The following CFAP77 variants were observed in gnomAD, a reference collection of about 807,000 sequenced individuals.
CFAP77 encodes cilia- and flagella-associated protein 77.
Under a neutral mutation model 31.1 loss-of-function variants are expected in CFAP77, and 25 were observed. The observed-to-expected ratio is 0.80, with a 90% confidence interval of 0.59 to 1.12. The LOEUF (loss-of-function observed/expected upper bound fraction) is 1.12. Ranked by LOEUF, CFAP77 falls within the 50% of genes most tolerant of loss-of-function variation. The pLI is 0.00. For synonymous variants in CFAP77, 151 were observed against 159.9 expected (o/e 0.94, Z 0.42); for missense variants, 377 against 397.3 (o/e 0.95, Z 0.44).
intron 5 of CFAP77, among the ~76,000 whole-genome samples, chr9:132,561,397 G>C (rs780458681): frequency 2.0e-5 from 3 of 150,110 alleles, no homozygotes; most frequent in Non-Finnish European, 4.4e-5. Flanking sequence ...TGCCTTGTTA[G>C]TCTCCAGACC....
intron 5 of CFAP77, among the ~76,000 whole-genome samples, chr9:132,566,235 A>G (rs1487673167): frequency 2.6e-5 from 4 of 151,892 alleles, no homozygotes; most frequent in Admixed American, 2.0e-4. Flanking sequence ...TGCTTCATGG[A>G]CTCCATGAGC....
chr9:132,484,756 G>A (rs531771564), intron 1 of CFAP77, among the ~76,000 whole-genome samples: 1 of 151,838 alleles, frequency 6.6e-6, no homozygotes. Context: ...GTACATAGTA[G>A]CTATAAATAT....
intron 1 of CFAP77, among the ~76,000 whole-genome samples, chr9:132,464,049 A>G (rs903017770): frequency 2.6e-5 from 4 of 152,226 alleles, no homozygotes; most frequent in Admixed American, 1.3e-4. Context: ...TCCGCATCAC[A>G]ACCTGCTGTG....
chr9:132,410,254 T>TC lies in CFAP77; in HGVS notation c.-14dup. 6.5e-7 allele frequency: 1 copy of TC among 1,541,770 alleles called. No individual in the cohort carries two copies. The highest frequency in any genetic ancestry group is 1.4e-5 in the African/African-American group (1 of 69,802). ...CGCCCAAACCAGCCCGCGGGCCGGCTCCCCGGCGACCTCAAGGATGCCAGA... is the reference window on the plus strand; with the variant it reads ...CGCCCAAACCAGCCCGCGGGCCGGCTCCCCCGGCGACCTCAAGGATGCCAGA... On this transcript the variant is annotated 5_prime_UTR_variant, in exon 1 of 6. Coordinates refer to ENST00000393216, the MANE Select transcript of CFAP77 (RefSeq NM_001282957.2).
intron 1 of CFAP77, among the ~76,000 whole-genome samples, chr9:132,474,208 C>G (rs1851309151): frequency 6.6e-6 from 1 of 152,222 alleles, no homozygotes; most frequent in East Asian, 1.9e-4. Flanking sequence ...TATCTTTTTG[C>G]TTTGAGTAGA....
rs991598487 is a variant in CFAP77, at chr9:132,455,744, CAAAA to C, written c.196-42948_196-42945del. 1.3e-4 allele frequency among the ~76,000 whole-genome samples: 19 copies of C among 152,000 alleles called. No homozygotes were observed. Among genetic ancestry groups the C allele is most frequent in the Admixed American group, 1.2e-3 (19 of 15,258 alleles). ...AGACTGTCTCAAAAACAAAACAAAA[CAAAA>C]AAGCAAAACGAACCCCAAATGTCTC... On this transcript the variant is annotated intron_variant, in intron 1 of 5. Transcript: ENST00000393216. This position sits in a 1 kb window ranked among gnomAD's most constrained non-coding sequence, Gnocchi z 4.1.
At chr9:132,516,032 A>C (rs1042410332) in intron 3 of CFAP77, among the ~76,000 whole-genome samples, 1 of 152,136 alleles carries the variant, frequency 6.6e-6, no homozygotes, top group Non-Finnish European at 1.5e-5. Context: ...GGCCCTGTGT[A>C]AGGCTATAGG....
At chr9:132,449,661 G>A (rs951980592) in intron 1 of CFAP77, among the ~76,000 whole-genome samples, 10 of 152,264 alleles carry the variant, frequency 6.6e-5, no homozygotes, top group African/African-American at 2.4e-4. Flanking sequence ...ACACTTTTGT[G>A]GGCATATATT....
At chr9:132,553,767 C>T (rs1472296159) in intron 5 of CFAP77, among the ~76,000 whole-genome samples, 2 of 152,256 alleles carry the variant, frequency 1.3e-5, no homozygotes, top group African/African-American at 2.4e-5. Context: ...GTCCATGCTG[C>T]ATTCTCTACC....
chr9:132,519,711 G>C (rs370701867), intron 3 of CFAP77, among the ~76,000 whole-genome samples: 1 of 122,574 alleles, frequency 8.2e-6, no homozygotes, highest in East Asian at 2.8e-4. Context: ...TGGGTGGGTG[G>C]GTAGATGGAT....
intron 3 of CFAP77, among the ~76,000 whole-genome samples, chr9:132,521,953 G>C (rs886855348): frequency 1.3e-5 from 2 of 151,924 alleles, no homozygotes; most frequent in Non-Finnish European, 2.9e-5. Context: ...GTAGACACAG[G>C]GTTTCACCTT....
chr9:132,458,357 G>GGGGGGGGGGGGCGGGGAGTGT (rs139008147), intron 1 of CFAP77, among the ~76,000 whole-genome samples: 1 of 119,046 alleles, frequency 8.4e-6, no homozygotes, highest in African/African-American at 3.2e-5. Context: ...GAGGGGGGGG[G>GGGGGGGGGGGGCGGGGAGTGT]GTGTGTATGG....
At chr9:132,444,573 AGGCTGACCTGAGTCCTTCCGGCAGGGT>A (rs1220377087) in intron 1 of CFAP77, among the ~76,000 whole-genome samples, 18 of 152,344 alleles carry the variant, frequency 1.2e-4, no homozygotes, top group African/African-American at 4.3e-4. Context: ...CAAGGCAGGA[AGGCTGACCTGAGTCCTTCCGGCAGGGT>A]GGCTGGGTCT....
At chr9:132,526,303 C>T (rs183345964) in intron 3 of CFAP77, among the ~76,000 whole-genome samples, 11,005 of 151,696 alleles carry the variant, frequency 0.073, 506 homozygotes, top group South Asian at 0.13. Flanking sequence ...GATCTCGGCT[C>T]ACTGCAACCT....
chr9:132,528,635 A>G (rs1303488120), intron 3 of CFAP77, among the ~76,000 whole-genome samples: 1 of 106,540 alleles, frequency 9.4e-6, no homozygotes, highest in African/African-American at 3.4e-5. Flanking sequence ...TCCAGAATCT[A>G]CAATGAACTC....
intron 3 of CFAP77, among the ~76,000 whole-genome samples, chr9:132,524,241 G>A (rs1357282455): frequency 1.3e-5 from 2 of 152,066 alleles, no homozygotes; most frequent in East Asian, 3.9e-4. Flanking sequence ...TTGGGAAGCT[G>A]TTTTAGAAAA....
intron 1 of CFAP77, among the ~76,000 whole-genome samples, chr9:132,477,504 G>T (rs1386606531): frequency 6.6e-6 from 1 of 152,206 alleles, no homozygotes; most frequent in Non-Finnish European, 1.5e-5. Flanking sequence ...CCAGGCAGGG[G>T]TGCAGTTCCC....
chr9:132,452,265 G>A (rs1338125120), intron 1 of CFAP77, among the ~76,000 whole-genome samples: 32 of 152,306 alleles, frequency 2.1e-4, no homozygotes, highest in East Asian at 3.9e-4. Flanking sequence ...TCTGCAGTTC[G>A]TGCCTTGACC....
intron 1 of CFAP77, among the ~76,000 whole-genome samples, chr9:132,479,679 G>A (rs752993348): frequency 1.2e-4 from 19 of 152,218 alleles, no homozygotes; most frequent in Non-Finnish European, 2.6e-4. Context: ...GGTTGAAAGC[G>A]TGTGGGCAGG....
Sources: gnomAD v4.1 joint callset for allele counts (sites outside exome capture counted in the v4.1 genomes callset) on GRCh38, gnomAD v4.1.1 for gene constraint, Gnocchi (gnomAD v3.1) non-coding constraint, MANE v1.5 for transcripts, NCBI Gene and HGNC (gene_info 2026-07-23, HGNC 2026-07-21) for gene names.